Variants in CHKA observed in about 807,000 individuals in gnomAD.
The protein encoded by CHKA is choline kinase alpha, also known as CHETK-alpha.
In CHKA, 34 loss-of-function variants were observed where a neutral mutation model predicts 60.1. That is an observed-to-expected ratio of 0.57 (90% CI 0.43 to 0.75). The LOEUF (loss-of-function observed/expected upper bound fraction) is 0.75, where lower values mean the gene tolerates loss of function less well. Ranked by LOEUF, CHKA falls within the 30% of genes least tolerant of loss-of-function variation. The pLI is 0.00. For missense variants in CHKA, 563 were observed against 561.3 expected (o/e 1.00, Z -0.03); for synonymous variants, 217 against 223.1 (o/e 0.97, Z 0.24).
At chr11:68,107,332 A>C (rs1349333747) in intron 1 of CHKA, among the ~76,000 whole-genome samples, 2 of 151,846 alleles carry the variant, frequency 1.3e-5, no homozygotes, top group Non-Finnish European at 2.9e-5. Context: ...TTTTTTTATC[A>C]TTCTTTCTGC....
At chr11:68,076,539 G>A (rs1037543388) in intron 3 of CHKA, among the ~76,000 whole-genome samples, 1 of 152,086 alleles carries the variant, frequency 6.6e-6, no homozygotes, top group African/African-American at 2.4e-5. Context: ...GGGGCAGCAC[G>A]GTCCTGGTGC....
intron 11 of CHKA, among the ~76,000 whole-genome samples, chr11:68,055,196 C>G (rs944087535): frequency 2.6e-5 from 4 of 152,164 alleles, no homozygotes; most frequent in Non-Finnish European, 5.9e-5. Flanking sequence ...AGTTTGAGAC[C>G]AGACTGGTCA....
chr11:68,105,837 C>T (rs888826970), intron 1 of CHKA, among the ~76,000 whole-genome samples: 2 of 152,142 alleles, frequency 1.3e-5, no homozygotes, highest in African/African-American at 4.8e-5. Flanking sequence ...TCACAGGGTA[C>T]CCAGTCTAGC....
At chr11:68,062,056 A>G in intron 10 of CHKA, 22 bp from the exon 11 acceptor site, 4 of 1,496,296 alleles carry the variant, frequency 2.7e-6, no homozygotes, top group Non-Finnish European at 3.7e-6. Flanking sequence ...AAAGCAAGAA[A>G]CATATAAGAG....
chr11:68,074,692 C>T lies in CHKA; in HGVS notation c.630+25G>A, dbSNP rs758679622. 6.9e-6 allele frequency: 11 copies of T among 1,604,022 alleles called. No individual in the cohort carries two copies. The East Asian group carries it at 1.8e-4, about 26-fold the overall frequency. On this transcript the variant is annotated intron_variant, in intron 4 of 11. Transcript: ENST00000265689. Reference sequence around the variant, plus strand: ...ATCTTCTGTCTGTGGCATATGTCAACTAAGCGTTTATGAACAAATCTTACC... The same window carrying T: ...ATCTTCTGTCTGTGGCATATGTCAATTAAGCGTTTATGAACAAATCTTACC...
Position 68,065,882 on chromosome 11 carries a change from A to G in CHKA, c.1029T>C (p.Ile343=). The G allele has an allele frequency of 6.3e-7, 1 of 1,599,544 alleles. No homozygotes were observed. ...ACATCCACTCACAGAAGTGATTTCC[A>G]ATGTCGAATCCCCTGAAATAAGACA... ...YSSYNYRGFD[I]GNHFCEWMYD... Residue 343 remains isoleucine, a synonymous_variant, in exon 9 of 12, where the codon ATT becomes ATC. Coordinates refer to ENST00000265689, the MANE Select transcript of CHKA (RefSeq NM_001277.3).
chr11:68,095,522 A>G (rs1857473198), intron 2 of CHKA, among the ~76,000 whole-genome samples: 1 of 148,100 alleles, frequency 6.8e-6, no homozygotes, highest in African/African-American at 2.5e-5. Flanking sequence ...ATCCTGGCTA[A>G]CACGGTGAAA....
At chr11:68,088,804 C>T (rs895126378) in intron 2 of CHKA, among the ~76,000 whole-genome samples, 1 of 152,172 alleles carries the variant, frequency 6.6e-6, no homozygotes, top group African/African-American at 2.4e-5. Context: ...GCCTCAGCCT[C>T]CCAAAGTGCT....
chr11:68,064,634 T>TA lies in CHKA; in HGVS notation c.1126-4dup. 3.1e-5 allele frequency: 48 copies of TA among 1,527,542 alleles called. No individual in the cohort carries two copies. Among genetic ancestry groups the TA allele is most frequent in the Middle Eastern group, 1.7e-4 (1 of 5,904 alleles). 94.6% of individuals were successfully genotyped at this position (1,527,542 alleles called of 1,614,324 possible). A position where few individuals can be genotyped will look rare whatever the true frequency, so the allele number is the denominator to read the frequency against. On this transcript the variant is annotated splice_polypyrimidine_tract_variant and splice_region_variant and intron_variant, in intron 9 of 11. Transcript: ENST00000265689. ...AAGTAACTGGAAATAAAATGGAGCTTAAAAAAAAGTAATTGTGTTAGGATC... is the reference window on the plus strand; with the variant it reads ...AAGTAACTGGAAATAAAATGGAGCTTAAAAAAAAAGTAATTGTGTTAGGATC...
chr11:68,112,448 C>G (rs796469231), intron 1 of CHKA, among the ~76,000 whole-genome samples: 7 of 152,184 alleles, frequency 4.6e-5, no homozygotes, highest in African/African-American at 1.4e-4. Flanking sequence ...CTAGAAGAGA[C>G]AGAGTTTCAC....
intron 1 of CHKA, among the ~76,000 whole-genome samples, chr11:68,119,606 A>G (rs938728126): frequency 1.3e-5 from 2 of 152,074 alleles, no homozygotes; most frequent in Admixed American, 1.3e-4. Context: ...AGTAGCTGGG[A>G]CTACAGGTGT....
intron 2 of CHKA, among the ~76,000 whole-genome samples, chr11:68,086,795 G>A (rs1186686804): frequency 6.6e-6 from 1 of 152,208 alleles, no homozygotes; most frequent in African/African-American, 2.4e-5. Flanking sequence ...AGACCATCCT[G>A]GCTGACACAG....
intron 3 of CHKA, among the ~76,000 whole-genome samples, chr11:68,079,214 G>A (rs1424474470): frequency 6.6e-6 from 1 of 151,894 alleles, no homozygotes; most frequent in Non-Finnish European, 1.5e-5. Context: ...GATTACAGAC[G>A]TTTAGTTATC....
chr11:68,075,120 TTTTATTGCTTCTA>T (rs1453118822), intron 3 of CHKA, among the ~76,000 whole-genome samples: 1 of 152,218 alleles, frequency 6.6e-6, no homozygotes, highest in Non-Finnish European at 1.5e-5. Context: ...CCATCAGTGC[TTTTATTGCTTCTA>T]TTTATTTCGC....
chr11:68,085,073 C>G (rs1200897964), intron 2 of CHKA, among the ~76,000 whole-genome samples: 1 of 152,102 alleles, frequency 6.6e-6, no homozygotes, highest in Non-Finnish European at 1.5e-5. Flanking sequence ...TTCTTTCTTT[C>G]CTTCCTATTT....
intron 2 of CHKA, among the ~76,000 whole-genome samples, chr11:68,088,937 T>C (rs1370626228): frequency 6.6e-6 from 1 of 152,200 alleles, no homozygotes; most frequent in Admixed American, 6.5e-5. Flanking sequence ...TGTGATTATT[T>C]AATAAGCACA....
At chr11:68,061,706 TC>T in intron 11 of CHKA, 1 of 556,372 alleles carries the variant, frequency 1.8e-6, no homozygotes, top group Non-Finnish European at 3.4e-6. Context: ...GGAGGCAAGG[TC>T]AGCTGGCCTG....
chr11:68,056,002 C>T (rs748874262), intron 11 of CHKA, among the ~76,000 whole-genome samples: 3 of 152,032 alleles, frequency 2.0e-5, no homozygotes, highest in Non-Finnish European at 4.4e-5. Context: ...GAGCCGAGAT[C>T]GCACCATTGA....
At chr11:68,078,920 T>C (rs965953033) in intron 3 of CHKA, among the ~76,000 whole-genome samples, 3 of 151,682 alleles carry the variant, frequency 2.0e-5, no homozygotes, top group Non-Finnish European at 2.9e-5. Context: ...AGTTCAGTTA[T>C]TATTTTTTTT....
Sources: gnomAD v4.1 joint callset for allele counts (sites outside exome capture counted in the v4.1 genomes callset) on GRCh38, gnomAD v4.1.1 for gene constraint, MANE v1.5 for transcripts, NCBI Gene and HGNC (gene_info 2026-07-23, HGNC 2026-07-21) for gene names.